HSF2: variants seen among roughly 807,000 people sequenced by gnomAD.
The protein encoded by HSF2 is heat shock transcription factor 2.
Under a neutral mutation model 65.0 loss-of-function variants are expected in HSF2, and 21 were observed. The observed-to-expected ratio is 0.32, with a 90% CI of 0.23 to 0.47. The LOEUF (loss-of-function observed/expected upper bound fraction) is 0.47. HSF2 is among the 20% of genes least tolerant of loss of function. The probability of loss-of-function intolerance (pLI) is 1.00; values close to 1 mark genes in which losing one functional copy is unlikely to be tolerated. For missense variants in HSF2, 499 were observed against 628.1 expected, an observed-to-expected ratio of 0.79 and a Z score of 2.20; for synonymous variants, 225 against 219.1, an observed-to-expected ratio of 1.03 and a Z score of -0.24.
chr6:122,422,400 C>G lies in HSF2; in HGVS notation c.830+102C>G, dbSNP rs1209661261. The G allele has an allele frequency of 4.3e-6, 4 of 935,466 alleles. No individual in the cohort carries two copies. The African/African-American group carries it at 5.0e-5, about 12-fold the overall frequency. The allele number at this position is 935,466 out of a possible 1,614,324, so 57.9% of individuals were successfully genotyped here. A position where few individuals can be genotyped will look rare whatever the true frequency, so the allele number is the denominator to read the frequency against. On this transcript the variant is annotated intron_variant, in intron 8 of 12. Transcript: ENST00000368455. ...TGTTCTTTGAAAAATAATAATCTTT[C>G]TCACATTTGGATTATTAAACTTGAT...
intron 4 of HSF2, among the ~76,000 whole-genome samples, chr6:122,415,253 A>C (rs1774099024): frequency 6.6e-6 from 1 of 152,218 alleles, no homozygotes; most frequent in Non-Finnish European, 1.5e-5. Context: ...ATAACATTTT[A>C]GTGGTTTACA....
chr6:122,411,928 T>C (rs1029771185), intron 1 of HSF2, among the ~76,000 whole-genome samples: 3 of 152,014 alleles, frequency 2.0e-5, no homozygotes, highest in African/African-American at 7.2e-5. Flanking sequence ...GGTTTTTAAA[T>C]TGATTTTACA....
intron 1 of HSF2, among the ~76,000 whole-genome samples, chr6:122,402,231 A>T (rs2114416058): frequency 6.6e-6 from 1 of 152,280 alleles, no homozygotes; most frequent in South Asian, 2.1e-4. Flanking sequence ...TTGACATCAT[A>T]TTTAGTTTTA....
intron 10 of HSF2, among the ~76,000 whole-genome samples, chr6:122,426,598 T>C (rs914832295): frequency 1.3e-5 from 2 of 152,052 alleles, no homozygotes; most frequent in Non-Finnish European, 2.9e-5. Context: ...CTTCCTTTTC[T>C]GAGGTTAGTA....
At chr6:122,405,601 T>C (rs1174495646) in intron 1 of HSF2, among the ~76,000 whole-genome samples, 3 of 152,138 alleles carry the variant, frequency 2.0e-5, no homozygotes, top group Non-Finnish European at 4.4e-5. Flanking sequence ...GTCACTGGTG[T>C]TGCTCTGGTG....
intron 1 of HSF2, among the ~76,000 whole-genome samples, chr6:122,402,608 G>T (rs1773763289): frequency 6.6e-6 from 1 of 151,044 alleles, no homozygotes; most frequent in African/African-American, 2.4e-5. Context: ...CCTGGAGTAC[G>T]GTGGCACGAT....
Position 122,422,340 on chromosome 6 carries a change from C to T in HSF2, c.830+42C>T, listed in dbSNP as rs746826934. 15 of 1,402,736 alleles carry T rather than the reference C, an allele frequency of 1.1e-5. No individual in the cohort carries two copies. In the Admixed American group the frequency reaches 1.8e-4, roughly 16 times the overall value. The allele number at this position is 1,402,736 out of a possible 1,614,324, so 86.9% of individuals were successfully genotyped here. A position where few individuals can be genotyped will look rare whatever the true frequency, so the allele number is the denominator to read the frequency against. On this transcript the variant is annotated intron_variant, in intron 8 of 12. Transcript: ENST00000368455. The stretch of plus-strand genomic sequence containing the variant: ...ATAAAATGTATGAAAATATTGATTA[C>T]TTTTCTTATTACAGAGTAAAATTCA...
chr6:122,412,023 T>C (rs1417205482), intron 1 of HSF2, among the ~76,000 whole-genome samples: 1 of 151,958 alleles, frequency 6.6e-6, no homozygotes, highest in African/African-American at 2.4e-5. Flanking sequence ...TATTTTGGTC[T>C]TAATTGCACT....
intron 5 of HSF2, among the ~76,000 whole-genome samples, chr6:122,416,675 A>T (rs981334060): frequency 6.6e-6 from 1 of 152,220 alleles, no homozygotes; most frequent in South Asian, 2.1e-4. Flanking sequence ...TAAAAGGCAT[A>T]GTTAAGGTCT....
In HSF2 at chr6:122,432,298, TTTTTTG is replaced by T; in HGVS notation, c.*80_*85del. 7.9e-7 allele frequency: 1 copy of T among 1,265,914 alleles called. No homozygotes were observed. Among genetic ancestry groups the T allele is most frequent in the Non-Finnish European group, 1.1e-6 (1 of 907,540 alleles). 78.4% of individuals were successfully genotyped at this position (1,265,914 alleles called of 1,614,324 possible). A position where few individuals can be genotyped will look rare whatever the true frequency, so the allele number is the denominator to read the frequency against. On this transcript the variant is annotated 3_prime_UTR_variant, in exon 13 of 13. Coordinates refer to ENST00000368455, the MANE Select transcript of HSF2 (RefSeq NM_004506.4). ...TTATTTTAAAGTATCATTTGGTACT[TTTTTTG>T]TAAATTGCTTTGTTTTGTTTAATCA... is the stretch of plus-strand genomic sequence containing the variant.
At chr6:122,430,635 G>A (rs1582622251) in intron 11 of HSF2, among the ~76,000 whole-genome samples, 1 of 151,966 alleles carries the variant, frequency 6.6e-6, no homozygotes, top group South Asian at 2.1e-4. Flanking sequence ...TTAAATATCA[G>A]GGGAATTACT....
At chr6:122,404,210 T>C (rs1773810307) in intron 1 of HSF2, among the ~76,000 whole-genome samples, 1 of 152,168 alleles carries the variant, frequency 6.6e-6, no homozygotes, top group South Asian at 2.1e-4. Flanking sequence ...AACAGAATTT[T>C]TCCATTGTTT....
At chr6:122,400,812 A>G (rs1318819239) in intron 1 of HSF2, among the ~76,000 whole-genome samples, 1 of 152,240 alleles carries the variant, frequency 6.6e-6, no homozygotes, top group Non-Finnish European at 1.5e-5. Context: ...CTCTTATTGT[A>G]GATGATCACC....
chr6:122,416,815 GATT>G (rs1330876864), intron 5 of HSF2, among the ~76,000 whole-genome samples: 1 of 152,204 alleles, frequency 6.6e-6, no homozygotes, highest in Non-Finnish European at 1.5e-5. Context: ...ATGAATTTTA[GATT>G]TTAGTATCTG....
chr6:122,430,150 T>C (rs536584018), intron 11 of HSF2, among the ~76,000 whole-genome samples: 5 of 152,286 alleles, frequency 3.3e-5, no homozygotes, highest in African/African-American at 1.2e-4. Flanking sequence ...CTTTTTTTGG[T>C]TGGTAGGCTA....
chr6:122,421,482 T>C (rs887777684), intron 7 of HSF2, among the ~76,000 whole-genome samples: 3 of 152,022 alleles, frequency 2.0e-5, no homozygotes, highest in Non-Finnish European at 4.4e-5. Flanking sequence ...GGTTTATATA[T>C]TTTAAAGTAC....
intron 1 of HSF2, among the ~76,000 whole-genome samples, chr6:122,403,898 G>A (rs1265269011): frequency 1.3e-5 from 2 of 152,182 alleles, no homozygotes; most frequent in African/African-American, 2.4e-5. Context: ...AGACAAGGCC[G>A]TAGAGGTTAA....
At chr6:122,401,922 G>C (rs1773742402) in intron 1 of HSF2, among the ~76,000 whole-genome samples, 1 of 152,190 alleles carries the variant, frequency 6.6e-6, no homozygotes, top group African/African-American at 2.4e-5. Context: ...AGCTCGCCAA[G>C]ATTGGAGATA....
intron 5 of HSF2, 30 bp downstream of exon 5, chr6:122,416,326 TTTG>T (rs779596668): frequency 6.7e-7 from 1 of 1,488,546 alleles, no homozygotes; most frequent in Non-Finnish European, 9.4e-7. Flanking sequence ...AGGACCATAA[TTTG>T]CATTTGTTTA....
Sources: gnomAD v4.1 joint callset for allele counts (sites outside exome capture counted in the v4.1 genomes callset) on GRCh38, gnomAD v4.1.1 for gene constraint, MANE v1.5 for transcripts, NCBI Gene and HGNC (gene_info 2026-07-23, HGNC 2026-07-21) for gene names.